The following UBE2J1 variants were observed in gnomAD, a reference collection of about 807,000 sequenced individuals.
The protein encoded by UBE2J1 is ubiquitin conjugating enzyme E2 J1, also known as ubiquitin-conjugating enzyme E2 J1.
In UBE2J1, 17 loss-of-function variants were observed where a neutral mutation model predicts 42.1. The observed-to-expected ratio is 0.40, with a 90% CI of 0.28 to 0.61. UBE2J1 has a LOEUF of 0.61. Among genes scored for constraint, UBE2J1 ranks in the 20% least tolerant of loss-of-function variants. The probability of loss-of-function intolerance (pLI) is 0.38; values close to 1 mark genes in which losing one functional copy is unlikely to be tolerated. For missense variants in UBE2J1, 291 were observed against 389.4 expected (o/e 0.75, Z 2.13); for synonymous variants, 127 against 137.2 (o/e 0.93, Z 0.52).
chr6:89,348,130 G>A (rs998820072), intron 1 of UBE2J1, among the ~76,000 whole-genome samples: 1 of 152,214 alleles, frequency 6.6e-6, no homozygotes, highest in Admixed American at 6.5e-5. Context: ...TACATGGCTA[G>A]AGAGGAAACT....
intron 1 of UBE2J1, among the ~76,000 whole-genome samples, chr6:89,348,550 T>C (rs1562425207): frequency 1.3e-5 from 2 of 152,142 alleles, no homozygotes; most frequent in South Asian, 2.1e-4. Context: ...ATAATGAAGG[T>C]ACTTAAGCAA....
chr6:89,349,257 A>G (rs1768419168), intron 1 of UBE2J1, among the ~76,000 whole-genome samples: 2 of 152,134 alleles, frequency 1.3e-5, no homozygotes, highest in South Asian at 4.1e-4. Flanking sequence ...AGAGCATAAG[A>G]GTGGTGGACA....
intron 6 of UBE2J1, among the ~76,000 whole-genome samples, chr6:89,333,899 A>G (rs764502280): frequency 2.6e-5 from 4 of 152,250 alleles, no homozygotes; most frequent in Admixed American, 6.5e-5. Flanking sequence ...GAAGAGGAAG[A>G]GAGCATGCTG....
rs2127869638 is a variant in UBE2J1, at chr6:89,342,340, C to T, written c.221G>A (p.Ser74Asn). The change falls in exon 3 of 8, where the codon AGC becomes AAC. Residue 74 changes from serine (S) to asparagine (N), a missense_variant. By Grantham distance (46) the Ser-to-Asn change is conservative. Around this residue, in one of 2 missense-constraint regions of UBE2J1, gnomAD observed 115 missense variants for 193.1 expected, o/e 0.60. Coordinates refer to ENST00000435041, the MANE Select transcript of UBE2J1 (RefSeq NM_016021.3). Reference sequence around the variant, plus strand: ...AATTCTTACCGTTAGGAGAATAATGCTTGGTGGTTTCATGGGATACTCTGG... The same window carrying T: ...AATTCTTACCGTTAGGAGAATAATGTTTGGTGGTTTCATGGGATACTCTGG... ...LPPEYPMKPPSIILLTANGRF... is the reference protein window; with the variant it reads ...LPPEYPMKPPNIILLTANGRF... The T allele has an allele frequency of 6.2e-7, 1 of 1,613,988 alleles. No homozygotes were observed. Among genetic ancestry groups the T allele is most frequent in the East Asian group, 2.2e-5 (1 of 44,868 alleles).
In UBE2J1 at chr6:89,335,442, A is replaced by C. The variant is rs1049379716; in HGVS notation, c.429-11T>G. 3 of 1,538,838 alleles carry C rather than the reference A, an allele frequency of 1.9e-6. No homozygotes were observed. Among genetic ancestry groups the C allele is most frequent in the Admixed American group, 1.9e-5 (1 of 51,782 alleles). The stretch of plus-strand genomic sequence containing the variant: ...CAGAAATCTTGTGATCTAGTAGAAA[A>C]AGATTTTTTAAATGAAAATAAATAG... On this transcript the variant is annotated splice_polypyrimidine_tract_variant and intron_variant, in intron 5 of 7. Coordinates refer to ENST00000435041, the MANE Select transcript of UBE2J1 (RefSeq NM_016021.3).
rs1346032704 is a variant in UBE2J1 at position 89,327,348 on chromosome 6, G to A, written c.*2331C>T. On this transcript the variant is annotated 3_prime_UTR_variant, in exon 8 of 8. Coordinates refer to ENST00000435041, the MANE Select transcript of UBE2J1 (RefSeq NM_016021.3). Reference sequence around the variant, plus strand: ...ATACATCCAGTTTTAGCTGTATGCTGGAATTAAGGAGTTAAAGTAGGGCTT... The same window carrying A: ...ATACATCCAGTTTTAGCTGTATGCTAGAATTAAGGAGTTAAAGTAGGGCTT... The A allele has an allele frequency of 6.6e-6, 1 of 152,074 alleles. No individual in the cohort carries two copies. The highest frequency in any genetic ancestry group is 1.5e-5 in the Non-Finnish European group (1 of 68,004). 9.4% of individuals were successfully genotyped at this position (152,074 alleles called of 1,614,324 possible). A position where few individuals can be genotyped will look rare whatever the true frequency, so the allele number is the denominator to read the frequency against.
rs1767959122 is a variant in UBE2J1, at chr6:89,329,279, A to T, written c.*400T>A. 4.7e-6 allele frequency: 1 copy of T among 214,380 alleles called. No homozygotes were observed. 13.3% of individuals were successfully genotyped at this position (214,380 alleles called of 1,614,324 possible). ...TCTTCTATCCCTATACATTCTACATACGTAGAAACAGAGTACTCAATAAGT... is the reference window on the plus strand; with the variant it reads ...TCTTCTATCCCTATACATTCTACATTCGTAGAAACAGAGTACTCAATAAGT... On this transcript the variant is annotated 3_prime_UTR_variant, in exon 8 of 8. Coordinates refer to ENST00000435041, the MANE Select transcript of UBE2J1 (RefSeq NM_016021.3).
chr6:89,350,535 A>G (rs896798440), intron 1 of UBE2J1, among the ~76,000 whole-genome samples: 1 of 152,140 alleles, frequency 6.6e-6, no homozygotes, highest in Non-Finnish European at 1.5e-5. Context: ...CAACTTCTCC[A>G]TGAACTCCAA....
intron 2 of UBE2J1, among the ~76,000 whole-genome samples, 196 bp from the exon 3 acceptor site, chr6:89,342,651 TTC>T (rs1768270151): frequency 6.6e-6 from 1 of 152,240 alleles, no homozygotes; most frequent in African/African-American, 2.4e-5. Flanking sequence ...TAATCTAGCT[TTC>T]ATGTTCCATT....
Position 89,338,254 on chromosome 6 carries a change from T to C in UBE2J1, c.379A>G (p.Ile127Val), listed in dbSNP as rs1466082564. 6.2e-7 allele frequency: 1 copy of C among 1,613,754 alleles called. No individual in the cohort carries two copies. The highest frequency in any genetic ancestry group is 1.3e-5 in the African/African-American group (1 of 74,926). ...TCAGGAGTGTAATCTAGAGAACCTATGGCTCCCTCTCCTTTTGTTGGCATA... is the reference window on the plus strand; with the variant it reads ...TCAGGAGTGTAATCTAGAGAACCTACGGCTCCCTCTCCTTTTGTTGGCATA... ...GFMPTKGEGA[I>V]GSLDYTPEER... Residue 127 changes from isoleucine (I) to valine (V), a missense_variant, in exon 5 of 8, where the codon ATA (isoleucine) becomes GTA (valine). Ile to Val is a conservative substitution (Grantham distance 29). Around this residue, in one of 2 missense-constraint regions of UBE2J1, gnomAD observed 115 missense variants for 193.1 expected, o/e 0.60. Transcript: ENST00000435041.
intron 5 of UBE2J1, among the ~76,000 whole-genome samples, chr6:89,335,686 TAA>T (rs1359234297): frequency 6.6e-6 from 1 of 152,076 alleles, no homozygotes. Flanking sequence ...TAAAGAAAAA[TAA>T]GTTTTACATC....
chr6:89,346,791 C>T (rs558495153), intron 1 of UBE2J1, among the ~76,000 whole-genome samples: 2 of 152,174 alleles, frequency 1.3e-5, no homozygotes, highest in Non-Finnish European at 2.9e-5. Context: ...GGTTGAGTCT[C>T]CTTGCTCTAT....
At chr6:89,337,640 G>C (rs575300301) in intron 5 of UBE2J1, among the ~76,000 whole-genome samples, 1 of 152,192 alleles carries the variant, frequency 6.6e-6, no homozygotes, top group South Asian at 2.1e-4. Flanking sequence ...CTGAATGGAA[G>C]GACTGATCTT....
intron 1 of UBE2J1, among the ~76,000 whole-genome samples, chr6:89,347,640 A>C (rs1768387435): frequency 6.6e-6 from 1 of 152,266 alleles, no homozygotes; most frequent in African/African-American, 2.4e-5. Flanking sequence ...GTAAGAGCTA[A>C]GGTCATGTAG....
At chr6:89,341,725 T>TA (rs76220211) in intron 3 of UBE2J1, among the ~76,000 whole-genome samples, 3,277 of 139,850 alleles carry the variant, frequency 0.023, 108 homozygotes, top group African/African-American at 0.075. Context: ...CCGTGTCTCT[T>TA]AAAAAAAAAA....
chr6:89,329,908 G>C lies in UBE2J1; in HGVS notation c.728C>G (p.Pro243Arg). 1.9e-6 allele frequency: 3 copies of C among 1,614,104 alleles called. No individual in the cohort carries two copies. Among genetic ancestry groups the C allele is most frequent in the Non-Finnish European group, 2.5e-6 (3 of 1,179,992 alleles). The change falls in exon 8 of 8, where the codon CCT (proline) becomes CGT (arginine). Residue 243 changes from proline (P) to arginine (R), a missense_variant. Physicochemically the swap from Pro to Arg is moderately radical, Grantham distance 103 (BLOSUM62 -2). Transcript: ENST00000435041. Reference sequence around the variant, plus strand: ...GCTCATGGAGGTATTCTTAGCTACAGGTTGGGTAGGTTGATGAAAGGATGC... The same window carrying C: ...GCTCATGGAGGTATTCTTAGCTACACGTTGGGTAGGTTGATGAAAGGATGC... ...SAASFHQPTQ[P>R]VAKNTSMSPR...
intron 6 of UBE2J1, among the ~76,000 whole-genome samples, chr6:89,334,560 C>T (rs1197179279): frequency 1.3e-5 from 2 of 151,484 alleles, no homozygotes; most frequent in East Asian, 3.9e-4. Context: ...CAACCTCTGC[C>T]TCCCAGGTTC....
chr6:89,351,198 C>A (rs532654178), intron 1 of UBE2J1, among the ~76,000 whole-genome samples: 3 of 151,156 alleles, frequency 2.0e-5, no homozygotes, highest in Admixed American at 2.0e-4. Flanking sequence ...CCTGCCTCAG[C>A]CTCCCGAGTG....
rs575602055 is a variant in UBE2J1 at position 89,330,131 on chromosome 6, A to C, written c.679-174T>G. 1.4e-4 allele frequency among the ~76,000 whole-genome samples: 21 copies of C among 152,014 alleles called. 1 individual carries two copies. The South Asian group carries it at 4.4e-3, about 32-fold the overall frequency. On this transcript the variant is annotated intron_variant, in intron 7 of 7. Coordinates refer to ENST00000435041, the MANE Select transcript of UBE2J1 (RefSeq NM_016021.3). Reference sequence around the variant, plus strand: ...TGAGGGGCATCTAAATTTAGGTTCAAAAAAAAGTCATAAGTTAGGACAGCT... The same window carrying C: ...TGAGGGGCATCTAAATTTAGGTTCACAAAAAAGTCATAAGTTAGGACAGCT...
Sources: gnomAD v4.1 joint callset for allele counts (sites outside exome capture counted in the v4.1 genomes callset) on GRCh38, gnomAD v4.1.1 for gene constraint, gnomAD v4.1.1 regional missense constraint, MANE v1.5 for transcripts, NCBI Gene and HGNC (gene_info 2026-07-23, HGNC 2026-07-21) for gene names.